Variants in NAV2 observed in about 807,000 individuals in gnomAD.
NAV2 encodes the protein neuron navigator 2.
Under a neutral mutation model 223.2 loss-of-function variants are expected in NAV2, and 54 were observed. That is an observed-to-expected ratio of 0.24 (90% CI 0.19 to 0.30). The LOEUF (loss-of-function observed/expected upper bound fraction) is 0.30. NAV2 is among the 10% of genes least tolerant of loss of function. The probability of loss-of-function intolerance (pLI) is 1.00; values close to 1 mark genes in which losing one functional copy is unlikely to be tolerated. For missense variants in NAV2, 2,806 were observed against 3,147.5 expected (o/e 0.89, Z 2.60); for synonymous variants, 1,279 against 1,239.3 (o/e 1.03, Z -0.67).
chr11:19,765,876 C>T lies in NAV2; in HGVS notation c.267+51914C>T, dbSNP rs144430422. 3.5e-3 allele frequency among the ~76,000 whole-genome samples: 537 copies of T among 152,230 alleles called. 1 individual carries two copies. The highest frequency in any genetic ancestry group is 0.012 in the African/African-American group (488 of 41,534). On this transcript the variant is annotated intron_variant, in intron 1 of 37. Coordinates refer to ENST00000349880, the MANE Select transcript of NAV2 (RefSeq NM_145117.5). ...CCCCTCCAAAATGCTCTCCCCACTCCACCCCAAGGACATGCTATCCCTCAG... is the reference window on the plus strand; with the variant it reads ...CCCCTCCAAAATGCTCTCCCCACTCTACCCCAAGGACATGCTATCCCTCAG...
intron 1 of NAV2, among the ~76,000 whole-genome samples, chr11:19,754,451 A>G (rs2054081002): frequency 1.3e-5 from 2 of 152,196 alleles, no homozygotes; most frequent in Admixed American, 1.3e-4. Flanking sequence ...GAAGTGGTGA[A>G]GGAAGAGGAT....
Position 19,892,486 on chromosome 11 carries a change from C to A in NAV2, c.823C>A (p.Arg275Ser), listed in dbSNP as rs202171718. 1.2e-6 allele frequency: 2 copies of A among 1,614,124 alleles called. No homozygotes were observed. Among genetic ancestry groups the A allele is most frequent in the South Asian group, 1.1e-5 (1 of 91,058 alleles). Residue 275 changes from arginine (R) to serine (S), a missense_variant, in exon 6 of 38, where the codon CGC (arginine) becomes AGC (serine). Arg to Ser is a moderately radical substitution (Grantham distance 110). This residue lies in a region of NAV2 where 1,167 missense variants were observed against 1,180.5 expected (regional missense o/e 0.99). Coordinates refer to ENST00000349880, the MANE Select transcript of NAV2 (RefSeq NM_145117.5). ...VSAAGSEAKTRGGSTTANNRR... is the reference protein window; with the variant it reads ...VSAAGSEAKTSGGSTTANNRR... ...CGCTGCAGGCAGCGAGGCCAAAACA[C>A]GCGGAGGGTCAACTACTGCTAACAA...
chr11:19,934,312 A>G, intron 7 of NAV2, 35 bp downstream of exon 7: 2 of 1,523,782 alleles, frequency 1.3e-6, no homozygotes, highest in Non-Finnish European at 1.8e-6. Context: ...TGCCTGGGAC[A>G]TTGGGTAAAA....
chr11:19,845,054 C>T (rs917159917), intron 3 of NAV2, among the ~76,000 whole-genome samples: 3 of 152,058 alleles, frequency 2.0e-5, no homozygotes, highest in African/African-American at 7.2e-5. Context: ...GTTCTTGCCC[C>T]TACATCACAA....
chr11:19,664,079 C>T lies in NAV2; in HGVS notation c.76-168405C>T, dbSNP rs146044200. The stretch of plus-strand genomic sequence containing the variant: ...GTGAAAGGAAGCCTTTCTTCCCTCT[C>T]AAAGGGTGAACCCACAGCTATACAG... On this transcript the variant is annotated intron_variant, in intron 1 of 37. Coordinates refer to the NAV2 transcript ENST00000360655. Among the ~76,000 whole-genome samples the T allele has an allele frequency of 1.1e-3, 174 of 152,346 alleles. 1 individual carries two copies. The highest frequency in any genetic ancestry group is 3.8e-3 in the African/African-American group (159 of 41,574).
rs1465450251 is a variant in NAV2 at position 20,103,380 on chromosome 11, T to C, written c.6543T>C (p.Asn2181=). The change falls in exon 33 of 38, where the codon AAT becomes AAC. Residue 2181 remains asparagine (N), a synonymous_variant. Coordinates refer to ENST00000349880, the MANE Select transcript of NAV2 (RefSeq NM_145117.5). ...TGAGCTCTCTGGGAGAGATCTTCAA[T>C]GGGCTGCTCAACTGCAAGTACCACA... ...HHVSSLGEIF[N]GLLNCKYHKC... The C allele has an allele frequency of 1.1e-5, 18 of 1,613,980 alleles. No homozygotes were observed. Among genetic ancestry groups the C allele is most frequent in the Non-Finnish European group, 1.4e-5 (17 of 1,179,978 alleles).
At chr11:19,579,866 G>A (rs1306135845) in intron 1 of NAV2, among the ~76,000 whole-genome samples, 4 of 152,154 alleles carry the variant, frequency 2.6e-5, no homozygotes, top group African/African-American at 4.8e-5. Context: ...CTCTGAGAAG[G>A]CCTCTGTCCT....
chr11:19,472,264 T>C lies in NAV2; in HGVS notation c.75+121237T>C, dbSNP rs187581823. Among the ~76,000 whole-genome samples the C allele has an allele frequency of 3.7e-4, 56 of 152,212 alleles. 2 individuals are homozygous for C. Among genetic ancestry groups the C allele is most frequent in the African/African-American group, 1.3e-3 (54 of 41,526 alleles). ...GAGGATAAGCACATAGATTCCAAAG[T>C]AAGGTTCTTGGTTTAGGTCCTGGCT... On this transcript the variant is annotated intron_variant, in intron 1 of 37. Coordinates refer to the NAV2 transcript ENST00000360655.
intron 5 of NAV2, among the ~76,000 whole-genome samples, chr11:19,883,628 C>T (rs1158315065): frequency 6.6e-6 from 1 of 152,182 alleles, no homozygotes; most frequent in Non-Finnish European, 1.5e-5. Flanking sequence ...CTTTCATGAA[C>T]ATGGTACAGG....
At chr11:19,874,161 C>A (rs2062702635) in intron 4 of NAV2, among the ~76,000 whole-genome samples, 1 of 152,184 alleles carries the variant, frequency 6.6e-6, no homozygotes, top group African/African-American at 2.4e-5. Flanking sequence ...TCCTATTTAT[C>A]TTACTCTTCA....
chr11:19,597,832 G>T (rs2135209672), intron 1 of NAV2, among the ~76,000 whole-genome samples: 1 of 152,342 alleles, frequency 6.6e-6, no homozygotes, highest in East Asian at 1.9e-4. Context: ...TTTCACTGGG[G>T]TGCGTGTGTT....
At chr11:19,687,704 T>A (rs929714130) in intron 1 of NAV2, among the ~76,000 whole-genome samples, 3 of 152,094 alleles carry the variant, frequency 2.0e-5, no homozygotes, top group African/African-American at 7.2e-5. Context: ...ATATGGCAAA[T>A]GGCTGCAGGT....
At chr11:19,721,252 C>G (rs1239847767) in intron 1 of NAV2, among the ~76,000 whole-genome samples, 1 of 152,200 alleles carries the variant, frequency 6.6e-6, no homozygotes, top group Non-Finnish European at 1.5e-5. Context: ...TTGACTCCTC[C>G]CCCTGCCCTA....
At chr11:19,420,790 T>C (rs1262989629) in intron 1 of NAV2, among the ~76,000 whole-genome samples, 6 of 152,166 alleles carry the variant, frequency 3.9e-5, no homozygotes, top group Non-Finnish European at 8.8e-5. Flanking sequence ...TAGGATGAAG[T>C]TGATGTTTTA....
intron 1 of NAV2, among the ~76,000 whole-genome samples, chr11:19,636,463 G>A (rs1244251596): frequency 6.6e-6 from 1 of 151,858 alleles, no homozygotes; most frequent in African/African-American, 2.4e-5. Context: ...CAATTCTCTT[G>A]GAATTAAGGA....
chr11:20,078,179 C>T, intron 24 of NAV2, 75 bp downstream of exon 24: 1 of 1,008,128 alleles, frequency 9.9e-7, no homozygotes, highest in Non-Finnish European at 1.5e-6. Flanking sequence ...TCATATGATG[C>T]AACCTCCTTG....
At chr11:19,476,919 G>C (rs1248425047) in intron 1 of NAV2, among the ~76,000 whole-genome samples, 1 of 152,136 alleles carries the variant, frequency 6.6e-6, no homozygotes, top group Non-Finnish European at 1.5e-5. Flanking sequence ...ACCTTCCTAT[G>C]TGGTTTCCTT....
intron 1 of NAV2, among the ~76,000 whole-genome samples, chr11:19,632,749 A>G (rs1341312656): frequency 2.6e-5 from 4 of 152,210 alleles, no homozygotes; most frequent in African/African-American, 9.6e-5. Context: ...GCTAGAAACC[A>G]CGGATGTTAT....
intron 1 of NAV2, among the ~76,000 whole-genome samples, chr11:19,829,037 C>T (rs1293604425): frequency 6.6e-6 from 1 of 152,196 alleles, no homozygotes; most frequent in East Asian, 1.9e-4. Flanking sequence ...GTTGTGCAAA[C>T]TCACAAAGAA....
Sources: gnomAD v4.1 joint callset for allele counts (sites outside exome capture counted in the v4.1 genomes callset) on GRCh38, gnomAD v4.1.1 for gene constraint, gnomAD v4.1.1 regional missense constraint, MANE v1.5 for transcripts, NCBI Gene and HGNC (gene_info 2026-07-23, HGNC 2026-07-21) for gene names.